NTM: variants seen among roughly 807,000 people sequenced by gnomAD.
NTM encodes the protein neurotrimin, also known as IgLON family member 2.
A neutral mutation model predicts 42.1 loss-of-function variants in NTM; 13 were observed. That is an observed-to-expected ratio of 0.31 (90% CI 0.20 to 0.49). NTM has a LOEUF of 0.49. Ranked by LOEUF, NTM falls within the 20% of genes least tolerant of loss-of-function variation. The pLI is 0.99. For missense variants in NTM, 373 were observed against 452.8 expected (o/e 0.82, Z 1.60); for synonymous variants, 187 against 179.2 (o/e 1.04, Z -0.35).
chr11:131,889,148 G>A (rs2050856728), intron 1 of NTM, among the ~76,000 whole-genome samples: 1 of 152,204 alleles, frequency 6.6e-6, no homozygotes, highest in African/African-American at 2.4e-5. Context: ...CTCCCAAAAG[G>A]AACATTCTTA....
In NTM at chr11:131,671,540, G is replaced by T. The variant is rs569226779; in HGVS notation, c.83-240024G>T. The T allele has an allele frequency of 3.1e-6, 3 of 980,964 alleles. No individual in the cohort carries two copies. In the East Asian group the frequency reaches 3.4e-4, roughly 112 times the overall value. 60.8% of individuals were successfully genotyped at this position (980,964 alleles called of 1,614,324 possible). On this transcript the variant is annotated intron_variant, in intron 1 of 8. Coordinates refer to ENST00000683400, the MANE Select transcript of NTM (RefSeq NM_001352005.2). Reference sequence around the variant, plus strand: ...GGCTGCCCTCACCCTCCTCTGGGCTGGCAGGGCCTACCGGTGGCTACCCTC... The same window carrying T: ...GGCTGCCCTCACCCTCCTCTGGGCTTGCAGGGCCTACCGGTGGCTACCCTC...
rs200221273 is a variant in NTM at position 131,961,312 on chromosome 11, A to G, written c.167+49664A>G. 3.3e-5 allele frequency among the ~76,000 whole-genome samples: 5 copies of G among 152,290 alleles called. No individual in the cohort carries two copies. The East Asian group carries it at 5.8e-4, about 18-fold the overall frequency. ...CCACTTTCGGGGGCCAAAGCACCCT[A>G]TTAAGGTGTGTGGAGTGGGAGGACA... On this transcript the variant is annotated intron_variant, in intron 2 of 8. Transcript: ENST00000683400.
intron 2 of NTM, among the ~76,000 whole-genome samples, chr11:131,962,516 G>A (rs1412729015): frequency 6.6e-6 from 1 of 152,186 alleles, no homozygotes; most frequent in African/African-American, 2.4e-5. Context: ...AACACAACAA[G>A]AAGGCAGCCA....
At chr11:132,193,721 T>C (rs1368935349) in intron 3 of NTM, among the ~76,000 whole-genome samples, 1 of 151,336 alleles carries the variant, frequency 6.6e-6, no homozygotes, top group Non-Finnish European at 1.5e-5. Flanking sequence ...TCAACAAAAC[T>C]AAAAGTTAAG....
At chr11:131,826,365 G>T (rs186763840) in intron 1 of NTM, among the ~76,000 whole-genome samples, 289 of 152,150 alleles carry the variant, frequency 1.9e-3, no homozygotes, top group Non-Finnish European at 2.9e-3. Flanking sequence ...ATTGACAAAT[G>T]CCATGAGTCC....
intron 1 of NTM, among the ~76,000 whole-genome samples, chr11:131,757,109 A>G (rs2083443659): frequency 6.6e-6 from 1 of 152,180 alleles, no homozygotes; most frequent in South Asian, 2.1e-4. Flanking sequence ...TCCTTCAAGG[A>G]AAGGGGCGTC....
At chr11:131,908,161 C>T (rs56298438) in intron 1 of NTM, among the ~76,000 whole-genome samples, 1,610 of 152,292 alleles carry the variant, frequency 0.011, 14 homozygotes, top group Non-Finnish European at 0.015. Context: ...CCTTCACGGG[C>T]AGAGACAAAG....
chr11:131,823,386 G>T (rs953896236), intron 1 of NTM, among the ~76,000 whole-genome samples: 1 of 152,118 alleles, frequency 6.6e-6, no homozygotes, highest in Admixed American at 6.5e-5. Flanking sequence ...AGGTAAGCAC[G>T]AAATTAGAGG....
chr11:132,228,482 C>T (rs1323505836), intron 4 of NTM, among the ~76,000 whole-genome samples: 1 of 152,186 alleles, frequency 6.6e-6, no homozygotes, highest in African/African-American at 2.4e-5. Context: ...CAAACCTATT[C>T]TCATTGCCAC....
At chr11:131,717,677 C>T (rs2135369216) in intron 1 of NTM, among the ~76,000 whole-genome samples, 1 of 152,290 alleles carries the variant, frequency 6.6e-6, no homozygotes, top group South Asian at 2.1e-4. Context: ...AGTTTTACTT[C>T]TTCCTTTCCA....
In NTM at chr11:132,147,340, G is replaced by A. The variant is rs556414455; in HGVS notation, c.400+826G>A. Among the ~76,000 whole-genome samples, 13 of 152,094 alleles carry A rather than the reference G, an allele frequency of 8.5e-5. No individual in the cohort carries two copies. In the East Asian group the frequency reaches 9.7e-4, roughly 11 times the overall value. ...GGGGCATTCAGACAACACTTAACCC[G>A]GTTGAAGGATTCCTAGTTAGTGAGC... On this transcript the variant is annotated intron_variant, in intron 3 of 8. Coordinates refer to ENST00000683400, the MANE Select transcript of NTM (RefSeq NM_001352005.2).
chr11:132,147,555 C>CT (rs777067188), intron 3 of NTM, among the ~76,000 whole-genome samples: 134 of 30,040 alleles, frequency 4.5e-3, no homozygotes, highest in African/African-American at 0.015. Context: ...ATGGAGCTTT[C>CT]TTTTCTCTTT....
chr11:131,429,450 A>G (rs1948473567), intron 1 of NTM, among the ~76,000 whole-genome samples: 1 of 152,198 alleles, frequency 6.6e-6, no homozygotes, highest in South Asian at 2.1e-4. Flanking sequence ...ACAGTCATTT[A>G]GGAACCCAGA....
At chr11:131,805,192 A>G (rs989182195) in intron 1 of NTM, among the ~76,000 whole-genome samples, 7 of 152,220 alleles carry the variant, frequency 4.6e-5, no homozygotes, top group African/African-American at 1.4e-4. Context: ...TGGAATAAGC[A>G]TGAAATCAGG....
intron 1 of NTM, among the ~76,000 whole-genome samples, chr11:131,452,632 G>A (rs188190997): frequency 1.7e-4 from 26 of 152,190 alleles, no homozygotes; most frequent in African/African-American, 3.9e-4. Context: ...CGACATAGAC[G>A]TGTATTTTAG....
intron 2 of NTM, among the ~76,000 whole-genome samples, chr11:132,020,953 G>A (rs535805783): frequency 6.6e-6 from 1 of 152,132 alleles, no homozygotes; most frequent in Admixed American, 6.5e-5. Context: ...TCAAATTTGG[G>A]AAGTTTTCAC....
rs1004220416 is a variant in NTM, at chr11:132,123,875, C to T, written c.168-22407C>T. Among the ~76,000 whole-genome samples the T allele has an allele frequency of 2.6e-5, 4 of 152,298 alleles. No homozygotes were observed. In the Middle Eastern group the frequency reaches 0.014, roughly 518 times the overall value. On this transcript the variant is annotated intron_variant, in intron 2 of 8. Transcript: ENST00000683400. ...CATTCCTTAGGACTCTGCACCCATC[C>T]CATCCCACTTTCTCAGGACAGAAAC...
chr11:131,846,801 A>T (rs920386908), intron 1 of NTM, among the ~76,000 whole-genome samples: 1 of 152,160 alleles, frequency 6.6e-6, no homozygotes, highest in Non-Finnish European at 1.5e-5. Flanking sequence ...AGGCAGGATT[A>T]GCAGTGTCTC....
intron 2 of NTM, among the ~76,000 whole-genome samples, chr11:132,081,150 C>A (rs532917502): frequency 6.6e-6 from 1 of 152,306 alleles, no homozygotes; most frequent in East Asian, 1.9e-4. Flanking sequence ...GAAGGTAAGA[C>A]TTCATCTGGG....
Sources: allele counts gnomAD v4.1 joint callset (sites outside exome capture counted in the v4.1 genomes callset), GRCh38; gene constraint gnomAD v4.1.1; transcripts MANE v1.5; gene names NCBI Gene and HGNC (gene_info 2026-07-23, HGNC 2026-07-21).